Variants in PTPRT observed in about 807,000 individuals in gnomAD.
PTPRT encodes receptor-type tyrosine-protein phosphatase T.
Under a neutral mutation model 176.8 loss-of-function variants are expected in PTPRT, and 56 were observed. The ratio of observed to expected loss-of-function variants is 0.32; its 90% CI spans 0.26 to 0.40. The LOEUF (loss-of-function observed/expected upper bound fraction) is 0.40, where lower values mean the gene tolerates loss of function less well. Among genes scored for constraint, PTPRT ranks in the 10% least tolerant of loss-of-function variants. PTPRT has a pLI of 1.00. For synonymous variants in PTPRT, 783 were observed against 739.0 expected (o/e 1.06, Z -0.96); for missense variants, 1,540 against 1,908.2 (o/e 0.81, Z 3.60).
At chr20:42,273,988 T>C (rs1600763060) in intron 13 of PTPRT, among the ~76,000 whole-genome samples, 2 of 152,152 alleles carry the variant, frequency 1.3e-5, no homozygotes, top group East Asian at 3.9e-4. Flanking sequence ...AATGCAGGAA[T>C]GGGGAGAGAT....
intron 15 of PTPRT, among the ~76,000 whole-genome samples, chr20:42,210,209 C>G (rs1407939879): frequency 6.6e-6 from 1 of 152,158 alleles, no homozygotes; most frequent in Non-Finnish European, 1.5e-5. Flanking sequence ...TGGGCAAAAA[C>G]TGGAAGCATT....
At chr20:42,774,532 C>G (rs985327733) in intron 4 of PTPRT, among the ~76,000 whole-genome samples, 1 of 152,192 alleles carries the variant, frequency 6.6e-6, no homozygotes, top group Non-Finnish European at 1.5e-5. Context: ...ACTCTAAACT[C>G]AACATGTTAT....
At chr20:42,573,542 T>C (rs2073196406) in intron 7 of PTPRT, among the ~76,000 whole-genome samples, 1 of 152,026 alleles carries the variant, frequency 6.6e-6, no homozygotes, top group Non-Finnish European at 1.5e-5. Context: ...TAGCCCAAGT[T>C]TGAATTGAAG....
chr20:43,056,727 C>A (rs974385985), intron 1 of PTPRT, among the ~76,000 whole-genome samples: 1 of 152,066 alleles, frequency 6.6e-6, no homozygotes, highest in African/African-American at 2.4e-5. Context: ...ATAAAAAGAA[C>A]CTTGTTATAA....
the PTPRT span, among the ~76,000 whole-genome samples, chr20:42,036,915 T>A: frequency 6.6e-6 from 1 of 152,282 alleles, no homozygotes; most frequent in South Asian, 2.1e-4. Context: ...CAATAAAGAA[T>A]CAGTGGGACT....
intron 1 of PTPRT, among the ~76,000 whole-genome samples, chr20:43,056,855 A>G (rs892677681): frequency 6.6e-6 from 1 of 152,198 alleles, no homozygotes; most frequent in African/African-American, 2.4e-5. Flanking sequence ...ACAAAACCCA[A>G]GTAAAGGCTA....
chr20:42,520,952 C>T (rs187642969), intron 7 of PTPRT, among the ~76,000 whole-genome samples: 1 of 151,994 alleles, frequency 6.6e-6, no homozygotes, highest in African/African-American at 2.4e-5. Context: ...ATCTATCCGT[C>T]CACCCACCAA....
At chr20:42,739,697 G>A (rs992349022) in intron 6 of PTPRT, among the ~76,000 whole-genome samples, 1 of 152,194 alleles carries the variant, frequency 6.6e-6, no homozygotes, top group African/African-American at 2.4e-5. Flanking sequence ...TTCCATCAGT[G>A]TGAAATTCAT....
intron 12 of PTPRT, among the ~76,000 whole-genome samples, chr20:42,297,941 T>C (rs2057411720): frequency 1.3e-5 from 2 of 152,096 alleles, no homozygotes; most frequent in African/African-American, 4.8e-5. Context: ...ATGGGTAAAT[T>C]CCTTTATAGC....
At chr20:42,999,862 G>A (rs1984452670) in intron 1 of PTPRT, among the ~76,000 whole-genome samples, 1 of 151,934 alleles carries the variant, frequency 6.6e-6, no homozygotes, top group African/African-American at 2.4e-5. Context: ...ATATGTTTCA[G>A]TATTTTGTTT....
chr20:43,100,044 T>G (rs992095740), intron 1 of PTPRT, among the ~76,000 whole-genome samples: 1 of 152,192 alleles, frequency 6.6e-6, no homozygotes. Flanking sequence ...GAGGGAGGTT[T>G]ACCTGTGCAA....
intron 27 of PTPRT, among the ~76,000 whole-genome samples, chr20:42,089,308 C>T (rs1331555456): frequency 1.3e-5 from 2 of 152,084 alleles, no homozygotes; most frequent in African/African-American, 4.8e-5. Flanking sequence ...TCAGAGAAAC[C>T]AGAATTAATC....
At chr20:42,821,108 A>G (rs2077885398) in intron 2 of PTPRT, among the ~76,000 whole-genome samples, 1 of 152,210 alleles carries the variant, frequency 6.6e-6, no homozygotes. Flanking sequence ...GACACAACAA[A>G]AAAGGAAAAC....
intron 1 of PTPRT, among the ~76,000 whole-genome samples, chr20:43,083,993 G>A (rs79302760): frequency 0.027 from 4,068 of 152,242 alleles, 196 homozygotes; most frequent in African/African-American, 0.092. Flanking sequence ...TTGCTGAATC[G>A]TATTGCATTG....
chr20:42,117,184 CA>C (rs1987331877), intron 21 of PTPRT, among the ~76,000 whole-genome samples: 1 of 152,138 alleles, frequency 6.6e-6, no homozygotes, highest in Admixed American at 6.5e-5. Flanking sequence ...CCTAAATTCC[CA>C]TTAGGCCCTG....
At chr20:42,382,379 C>T (rs964613548) in intron 9 of PTPRT, among the ~76,000 whole-genome samples, 1 of 152,172 alleles carries the variant, frequency 6.6e-6, no homozygotes, top group South Asian at 2.1e-4. Flanking sequence ...AAAGCATCCA[C>T]ATGTTTCTGA....
At position 42,867,683 on chromosome 20, in the gene PTPRT, CTTTT is replaced by C. The variant is rs5841476; in HGVS notation, c.214+18120_214+18123del. Among the ~76,000 whole-genome samples, 584 of 113,392 alleles carry C rather than the reference CTTTT, an allele frequency of 5.2e-3. 3 individuals carry two copies. Among genetic ancestry groups the C allele is most frequent in the African/African-American group, 0.019 (511 of 27,434 alleles). The allele number at this position is 113,392 out of a possible 152,430, so 74.4% of individuals were successfully genotyped here. A position where few individuals can be genotyped will look rare whatever the true frequency, so the allele number is the denominator to read the frequency against. ...ATAAATTTAAAAATTTACATATGGC[CTTTT>C]TTTTTTTTTTTTTTGTGACAGAGTC... On this transcript the variant is annotated intron_variant, in intron 2 of 30. Transcript: ENST00000373187.
chr20:42,772,377 C>T (rs923194410), intron 4 of PTPRT, among the ~76,000 whole-genome samples: 9 of 152,136 alleles, frequency 5.9e-5, no homozygotes, highest in African/African-American at 2.2e-4. Flanking sequence ...TGTGATGGTG[C>T]TTTCTGAGCA....
At chr20:43,149,755 T>C (rs2146417610) in intron 1 of PTPRT, among the ~76,000 whole-genome samples, 1 of 152,348 alleles carries the variant, frequency 6.6e-6, no homozygotes, top group South Asian at 2.1e-4. Context: ...GCATAAATCA[T>C]AACCCTCATC....
Sources: allele counts gnomAD v4.1 joint callset (sites outside exome capture counted in the v4.1 genomes callset), GRCh38; gene constraint gnomAD v4.1.1; transcripts MANE v1.5; gene names NCBI Gene and HGNC (gene_info 2026-07-23, HGNC 2026-07-21).